REPIN1: variants seen among roughly 807,000 people sequenced by gnomAD.
REPIN1 encodes DNA-binding protein REPIN1.
REPIN1 carries 4 observed loss-of-function variants against 5.7 expected under a neutral mutation model. That is an observed-to-expected ratio of 0.71 (90% confidence interval 0.35 to 1.62). REPIN1 has a LOEUF of 1.62. Among genes scored for constraint, REPIN1 ranks in the 40% most tolerant of loss-of-function variants. REPIN1 has a pLI of 0.05. For missense variants in REPIN1, 854 were observed against 901.0 expected, an observed-to-expected ratio of 0.95 and a Z score of 0.67; for synonymous variants, 410 against 386.2, an observed-to-expected ratio of 1.06 and a Z score of -0.72.
intron 1 of REPIN1, chr7:150,369,245 G>C: frequency 7.8e-6 from 3 of 385,830 alleles, no homozygotes; most frequent in Non-Finnish European, 1.4e-5. Flanking sequence ...GATGCGGAAG[G>C]GGATTCTGAC....
In REPIN1 at chr7:150,372,438, G is replaced by T; in HGVS notation, c.1368G>T (p.Gly456=). Residue 456 remains glycine, a synonymous_variant, in exon 3 of 3, where the codon GGG becomes GGT. Coordinates refer to ENST00000489432, the MANE Select transcript of REPIN1 (RefSeq NM_001099695.2). ...GGGCCCACCAGCGGCAGCACACCGG[G>T]GAGCGGCCCTTCACCTGCGCCGAGT... ...FLRAHQRQHT[G]ERPFTCAECG... The T allele has an allele frequency of 1.3e-6, 2 of 1,512,872 alleles. No homozygotes were observed. Among genetic ancestry groups the T allele is most frequent in the South Asian group, 2.5e-5 (2 of 78,504 alleles). 93.7% of individuals were successfully genotyped at this position (1,512,872 alleles called of 1,614,324 possible).
At position 150,369,871 on chromosome 7, in the gene REPIN1, A is replaced by G. The variant is rs1799372140; in HGVS notation, c.157+3A>G. The G allele has an allele frequency of 6.3e-7, 1 of 1,593,832 alleles. No homozygotes were observed. The highest frequency in any genetic ancestry group is 8.6e-7 in the Non-Finnish European group (1 of 1,166,500). On this transcript the variant is annotated splice_donor_region_variant and intron_variant, in intron 2 of 2. Coordinates refer to ENST00000489432, the MANE Select transcript of REPIN1 (RefSeq NM_001099695.2). ...TCCCCAGCTCTGCAGTCTCCAGGGT[A>G]GAGTCTGGCCTTTGCTGTGCTCCCA...
chr7:150,369,629 G>C lies in REPIN1; in HGVS notation c.-41-42G>C, dbSNP rs559477732. The C allele has an allele frequency of 1.1e-5, 17 of 1,581,086 alleles. No individual in the cohort carries two copies. In the East Asian group the frequency reaches 3.8e-4, roughly 36 times the overall value. ...GGACACAAAGCTGACTGCCCTAGAGGAGCTCAGAGCCTCACTTCTGTTTTC... is the reference window on the plus strand; with the variant it reads ...GGACACAAAGCTGACTGCCCTAGAGCAGCTCAGAGCCTCACTTCTGTTTTC... On this transcript the variant is annotated intron_variant, in intron 1 of 2. Coordinates refer to ENST00000489432, the MANE Select transcript of REPIN1 (RefSeq NM_001099695.2).
chr7:150,371,152 G>A lies in REPIN1; in HGVS notation c.158-76G>A, dbSNP rs908819152. The A allele has an allele frequency of 5.5e-6, 8 of 1,459,982 alleles. No homozygotes were observed. The South Asian group carries it at 1.0e-4, about 19-fold the overall frequency. 90.4% of individuals were successfully genotyped at this position (1,459,982 alleles called of 1,614,324 possible). A position where few individuals can be genotyped will look rare whatever the true frequency, so the allele number is the denominator to read the frequency against. ...GGTTCATAGATGGCAGCTCCTGTCC[G>A]GGGCTGAGGTTGGGAGGGGAGAAAC... On this transcript the variant is annotated intron_variant, in intron 2 of 2. Coordinates refer to ENST00000489432, the MANE Select transcript of REPIN1 (RefSeq NM_001099695.2).
rs958124556 is a variant in REPIN1, at chr7:150,372,527, G to T, written c.1457G>T (p.Arg486Leu). 7 of 1,557,878 alleles carry T rather than the reference G, an allele frequency of 4.5e-6. No homozygotes were observed. Among genetic ancestry groups the T allele is most frequent in the Non-Finnish European group, 5.2e-6 (6 of 1,158,742 alleles). ...VAHSRVHSGE[R>L]PFACEECGRR... ...CACTCGCGCGTGCACTCCGGCGAGC[G>T]GCCCTTCGCCTGCGAGGAGTGCGGC... Residue 486 changes from arginine to leucine, a missense_variant, in exon 3 of 3, where the codon CGG becomes CTG. Arg to Leu is a moderately radical substitution (Grantham distance 102). This residue lies in a region of REPIN1 where 327 missense variants were observed against 307.8 expected (regional missense o/e 1.06). Coordinates refer to ENST00000489432, the MANE Select transcript of REPIN1 (RefSeq NM_001099695.2).
Position 150,369,865 on chromosome 7 carries a change from C to T in REPIN1, c.154C>T (p.Gln52Ter). The T allele has an allele frequency of 6.3e-7, 1 of 1,598,510 alleles. No individual in the cohort carries two copies. Among genetic ancestry groups the T allele is most frequent in the Middle Eastern group, 1.7e-4 (1 of 5,866 alleles). The change falls in exon 2 of 3, where the codon CAG becomes TAG. Residue 52 changes from glutamine (Q) to a stop codon, truncating the protein, a stop_gained. Transcript: ENST00000489432. LOFTEE classifies it low-confidence loss of function (END_TRUNC). Reference sequence around the variant, plus strand: ...GCCTCATCCCCAGCTCTGCAGTCTCCAGGGTAGAGTCTGGCCTTTGCTGTG... The same window carrying T: ...GCCTCATCCCCAGCTCTGCAGTCTCTAGGGTAGAGTCTGGCCTTTGCTGTG... ...KKPHPQLCSLQAEEEPMLERR... is the reference protein window; with the variant it reads ...KKPHPQLCSL
In REPIN1 at chr7:150,371,239, C is replaced by A. The variant is rs571855323; in HGVS notation, c.169C>A (p.Pro57Thr). 3 of 1,593,796 alleles carry A rather than the reference C, an allele frequency of 1.9e-6. No individual in the cohort carries two copies. The South Asian group carries it at 3.4e-5, about 18-fold the overall frequency. The change falls in exon 3 of 3, where the codon CCG (proline) becomes ACG (threonine). Residue 57 changes from proline to threonine, a missense_variant. Pro to Thr is a conservative substitution (Grantham distance 38, BLOSUM62 -1). Transcript: ENST00000489432. The part of the protein sequence containing the change: ...QLCSLQAEEE[P>T]MLERRCRGPL... ...TTTTCCACCCTCAGCAGAGGAAGAA[C>A]CGATGCTGGAACGTCGTTGCAGGGG...
intron 1 of REPIN1, 42 bp downstream of exon 1, chr7:150,368,983 G>A: frequency 2.6e-6 from 1 of 379,936 alleles, no homozygotes; most frequent in Non-Finnish European, 4.7e-6. Flanking sequence ...CGGGCCCGCG[G>A]GGGGCCGCTC....
intron 2 of REPIN1, 60 bp downstream of exon 2, chr7:150,369,928 C>T: frequency 2.0e-6 from 3 of 1,520,748 alleles, no homozygotes; most frequent in East Asian, 2.3e-5. Context: ...CACGGGCGTC[C>T]CCATCCCGGC....
chr7:150,368,786 G>C (rs2129619494), upstream of REPIN1: 1 of 291,564 alleles, frequency 3.4e-6, no homozygotes, highest in South Asian at 1.7e-4. Flanking sequence ...CGTGGCGCTG[G>C]GAACCCGGCG....
At chr7:150,368,676 C>T (rs576225628), upstream of REPIN1, 1 of 218,368 alleles carries the variant, frequency 4.6e-6, no homozygotes, top group African/African-American at 2.3e-5. Context: ...CCGGCCCGCT[C>T]TTGGCGGGGG....
At chr7:150,369,063 T>A in intron 1 of REPIN1, 122 bp downstream of exon 1, 1 of 167,662 alleles carries the variant, frequency 6.0e-6, no homozygotes, top group Non-Finnish European at 1.2e-5. Context: ...CGCTGCTGGA[T>A]CTGCGGGGGT....
Position 150,372,932 on chromosome 7 carries a change from A to C in REPIN1, c.1862A>C (p.Lys621Thr). The part of the protein sequence containing the change: ...DEERLLAHQK[K>T]HDV ...GAGAGACTCCTGGCCCACCAGAAGAAGCACGATGTCTGAGACGGTGGGCGG... is the reference window on the plus strand; with the variant it reads ...GAGAGACTCCTGGCCCACCAGAAGACGCACGATGTCTGAGACGGTGGGCGG... Residue 621 changes from lysine to threonine, a missense_variant, in exon 3 of 3, where the codon AAG (lysine) becomes ACG (threonine). Physicochemically the swap from Lys to Thr is moderately conservative, Grantham distance 78 (BLOSUM62 -1). Coordinates refer to ENST00000489432, the MANE Select transcript of REPIN1 (RefSeq NM_001099695.2). The C allele has an allele frequency of 6.2e-7, 1 of 1,612,808 alleles. No homozygotes were observed. The highest frequency in any genetic ancestry group is 1.1e-5 in the South Asian group (1 of 91,054).
chr7:150,372,901 G>T lies in REPIN1; in HGVS notation c.1831G>T (p.Asp611Tyr). 6.2e-7 allele frequency: 1 copy of T among 1,613,364 alleles called. No homozygotes were observed. Among genetic ancestry groups the T allele is most frequent in the Non-Finnish European group, 8.5e-7 (1 of 1,180,008 alleles). The change falls in exon 3 of 3, where the codon GAC (aspartate) becomes TAC (tyrosine). Residue 611 changes from aspartate to tyrosine, a missense_variant. Physicochemically the swap from Asp to Tyr is radical, Grantham distance 160. Around this residue, in one of 5 missense-constraint regions of REPIN1, gnomAD observed 101 missense variants for 124.7 expected, o/e 0.81. Transcript: ENST00000489432. ...TGCCATCTGTGGCCAGACCTTCGAC[G>T]ACGAGGAGAGACTCCTGGCCCACCA... ...CCAICGQTFD[D>Y]EERLLAHQKK...
chr7:150,371,213 CT>C lies in REPIN1; in HGVS notation c.158-11del. 6.4e-7 allele frequency: 1 copy of C among 1,563,100 alleles called. No homozygotes were observed. The highest frequency in any genetic ancestry group is 8.7e-7 in the Non-Finnish European group (1 of 1,154,466). On this transcript the variant is annotated splice_polypyrimidine_tract_variant and intron_variant, in intron 2 of 2. Transcript: ENST00000489432. ...TGAGTTGGTCTCTGGAGTGACTGTGCTTTTCCACCCTCAGCAGAGGAAGAAC... is the reference window on the plus strand; with the variant it reads ...TGAGTTGGTCTCTGGAGTGACTGTGCTTTCCACCCTCAGCAGAGGAAGAAC...
At position 150,372,404 on chromosome 7, in the gene REPIN1, G is replaced by T. The variant is rs1037174210; in HGVS notation, c.1334G>T (p.Arg445Leu). The change falls in exon 3 of 3, where the codon CGC becomes CTC. Residue 445 changes from arginine (R) to leucine (L), a missense_variant. This residue lies in a region of REPIN1 where 327 missense variants were observed against 307.8 expected (regional missense o/e 1.06). Coordinates refer to ENST00000489432, the MANE Select transcript of REPIN1 (RefSeq NM_001099695.2). ...DDCGRSFRLERFLRAHQRQHT... is the reference protein window; with the variant it reads ...DDCGRSFRLELFLRAHQRQHT... ...TGCGGCAGGAGCTTCCGGCTGGAGC[G>T]CTTCCTGCGGGCCCACCAGCGGCAG... The T allele has an allele frequency of 2.0e-6, 3 of 1,485,444 alleles. No homozygotes were observed. Among genetic ancestry groups the T allele is most frequent in the African/African-American group, 2.8e-5 (2 of 70,510 alleles). The allele number at this position is 1,485,444 out of a possible 1,614,324, so 92.0% of individuals were successfully genotyped here.
At position 150,371,419 on chromosome 7, in the gene REPIN1, G is replaced by A; in HGVS notation, c.349G>A (p.Ala117Thr). Residue 117 changes from alanine (A) to threonine (T), a missense_variant, in exon 3 of 3, where the codon GCC becomes ACC. By Grantham distance (58) the Ala-to-Thr change is moderately conservative. Around this residue, in one of 5 missense-constraint regions of REPIN1, gnomAD observed 409 missense variants for 418.6 expected, o/e 0.98. Coordinates refer to ENST00000489432, the MANE Select transcript of REPIN1 (RefSeq NM_001099695.2). The stretch of plus-strand genomic sequence containing the variant: ...AGCCCCAGGCAGGGCCCATCGCTGT[G>A]CCCACTGTCGAAGGCACTTCCCTGG... Reference protein sequence around the residue: ...AQAPGRAHRCAHCRRHFPGWV... With the variant: ...AQAPGRAHRCTHCRRHFPGWV... The A allele has an allele frequency of 6.2e-7, 1 of 1,601,848 alleles. No homozygotes were observed. The highest frequency in any genetic ancestry group is 1.1e-5 in the South Asian group (1 of 89,570).
At position 150,370,095 on chromosome 7, in the gene REPIN1, T is replaced by TAAGG. The variant is rs1799436133; in HGVS notation, c.157+228_157+229insAGGA. ...TTGTGAGCAGGCACAGAAGGGCCCTTAGGAGCCTAACTGCTTCCTTCCTCC... is the reference window on the plus strand; with the variant it reads ...TTGTGAGCAGGCACAGAAGGGCCCTTAAGGAGGAGCCTAACTGCTTCCTTCCTCC... On this transcript the variant is annotated intron_variant, in intron 2 of 2. Transcript: ENST00000489432. The TAAGG allele has an allele frequency of 3.9e-5, 20 of 513,692 alleles. No homozygotes were observed. The South Asian group carries it at 6.8e-4, about 17-fold the overall frequency. The allele number at this position is 513,692 out of a possible 1,614,324, so 31.8% of individuals were successfully genotyped here.
Position 150,372,734 on chromosome 7 carries a change from AG to A in REPIN1, c.1665del (p.Lys556SerfsTer116), listed in dbSNP as rs1209720129. 6.2e-7 allele frequency: 1 copy of A among 1,612,694 alleles called. No individual in the cohort carries two copies. Among genetic ancestry groups the A allele is most frequent in the Admixed American group, 1.7e-5 (1 of 60,014 alleles). On this transcript the variant is annotated frameshift_variant, in exon 3 of 3. Transcript: ENST00000489432. LOFTEE classifies it low-confidence loss of function (END_TRUNC). ...VCPDCGKAFS[Q>X]KSNLVSHRRI... is the part of the protein sequence containing the mutation. ...CCCGACTGCGGCAAAGCCTTCAGCCAGAAGTCCAACCTGGTGTCGCACCGGC... is the reference window on the plus strand; with the variant it reads ...CCCGACTGCGGCAAAGCCTTCAGCCAAAGTCCAACCTGGTGTCGCACCGGC...
Sources: allele counts gnomAD v4.1 joint callset, GRCh38; gene constraint gnomAD v4.1.1; regional missense constraint gnomAD v4.1.1; transcripts MANE v1.5; gene names NCBI Gene and HGNC (gene_info 2026-07-23, HGNC 2026-07-21).